NRG1: variants seen among roughly 807,000 people sequenced by gnomAD.
NRG1 encodes the protein pro-neuregulin-1, membrane-bound isoform.
In NRG1, 18 loss-of-function variants were observed where a neutral mutation model predicts 63.8. The observed-to-expected ratio is 0.28, with a 90% confidence interval of 0.19 to 0.42. NRG1 has a LOEUF of 0.42. Ranked by LOEUF, NRG1 falls within the 10% of genes least tolerant of loss-of-function variation. The probability of loss-of-function intolerance (pLI) is 1.00; values close to 1 mark genes in which losing one functional copy is unlikely to be tolerated. For missense variants in NRG1, 762 were observed against 814.7 expected, an observed-to-expected ratio of 0.94 and a Z score of 0.79; for synonymous variants, 302 against 301.3, an observed-to-expected ratio of 1.00 and a Z score of -0.02.
intron 1 of NRG1, among the ~76,000 whole-genome samples, chr8:32,394,764 TGA>T (rs1812228363): frequency 6.6e-6 from 1 of 152,180 alleles, no homozygotes; most frequent in Non-Finnish European, 1.5e-5. Context: ...GGCCTTCAAG[TGA>T]GATTGACTTT....
intron 1 of NRG1, among the ~76,000 whole-genome samples, chr8:31,859,600 C>G (rs1828277951): frequency 6.6e-6 from 1 of 152,178 alleles, no homozygotes; most frequent in Admixed American, 6.5e-5. Flanking sequence ...TTCTGCATAA[C>G]TATTGAAGAA....
At chr8:32,209,073 ATAACT>A (rs893687821) in intron 1 of NRG1, among the ~76,000 whole-genome samples, 5 of 152,154 alleles carry the variant, frequency 3.3e-5, no homozygotes, top group Admixed American at 6.5e-5. Flanking sequence ...ATTTCAGGAA[ATAACT>A]TAACATCTCT....
At chr8:31,927,059 C>T (rs1834416480) in intron 1 of NRG1, among the ~76,000 whole-genome samples, 1 of 152,030 alleles carries the variant, frequency 6.6e-6, no homozygotes, top group African/African-American at 2.4e-5. Flanking sequence ...TAGTTATGTG[C>T]CAGACACTGT....
chr8:32,292,300 A>G (rs566151467), intron 1 of NRG1, among the ~76,000 whole-genome samples: 1 of 152,318 alleles, frequency 6.6e-6, no homozygotes, highest in South Asian at 2.1e-4. Context: ...TACTCCCTTT[A>G]TCCTGAATTT....
chr8:32,644,232 T>G (rs1255814346), intron 5 of NRG1, among the ~76,000 whole-genome samples: 2 of 152,186 alleles, frequency 1.3e-5, no homozygotes, highest in Admixed American at 6.5e-5. Flanking sequence ...GGTTAGGTAG[T>G]AAAAAATTGT....
At chr8:32,352,965 G>T (rs1208193435) in intron 1 of NRG1, among the ~76,000 whole-genome samples, 66 of 146,742 alleles carry the variant, frequency 4.5e-4, no homozygotes, top group African/African-American at 1.4e-3. Flanking sequence ...TATATATACA[G>T]AGAGAGAGAG....
At chr8:31,710,189 C>T (rs1278647773) in intron 1 of NRG1, among the ~76,000 whole-genome samples, 1 of 151,686 alleles carries the variant, frequency 6.6e-6, no homozygotes, top group Non-Finnish European at 1.5e-5. Flanking sequence ...TTTAAAATTA[C>T]CATGAGAAAA....
chr8:32,202,439 T>C (rs987715274), intron 1 of NRG1, among the ~76,000 whole-genome samples: 4 of 152,054 alleles, frequency 2.6e-5, no homozygotes, highest in African/African-American at 9.7e-5. Context: ...CACAGTGGTG[T>C]CTAGGGGTGT....
chr8:32,123,408 T>C (rs1317052294), intron 1 of NRG1, among the ~76,000 whole-genome samples: 3 of 151,844 alleles, frequency 2.0e-5, no homozygotes, highest in Non-Finnish European at 2.9e-5. Context: ...ATGTAAGATG[T>C]GACTTTGCTC....
At chr8:32,337,682 A>AAAAAAAAAT (rs1554511693) in intron 1 of NRG1, among the ~76,000 whole-genome samples, 6 of 116,630 alleles carry the variant, frequency 5.1e-5, no homozygotes, top group Admixed American at 8.7e-5. Context: ...AAAAAAAAAA[A>AAAAAAAAAT]GCTGATGCAG....
intron 1 of NRG1, among the ~76,000 whole-genome samples, chr8:31,798,567 C>A (rs1400144478): frequency 6.6e-6 from 1 of 152,128 alleles, no homozygotes; most frequent in Non-Finnish European, 1.5e-5. Context: ...TAATTTCTTT[C>A]CTCCATTTGC....
downstream of NRG1, among the ~76,000 whole-genome samples, chr8:32,770,373 A>G (rs953369556): frequency 6.6e-6 from 1 of 152,194 alleles, no homozygotes; most frequent in African/African-American, 2.4e-5. Flanking sequence ...AGAGAGCTGC[A>G]GAGCTGACAC....
At chr8:32,422,698 A>G (rs1816839093) in intron 1 of NRG1, among the ~76,000 whole-genome samples, 1 of 152,228 alleles carries the variant, frequency 6.6e-6, no homozygotes, top group South Asian at 2.1e-4. Context: ...TTCTCCCAAC[A>G]ACCTTGCCAA....
intron 5 of NRG1, among the ~76,000 whole-genome samples, chr8:32,634,120 G>GAAAAAAAAAAAAAAAAAATA: frequency 1.0e-5 from 1 of 97,766 alleles, no homozygotes; most frequent in African/African-American, 5.5e-5. Flanking sequence ...AAAAAAAAAG[G>GAAAAAAAAAAAAAAAAAATA]TTGCATAAAG....
chr8:32,243,525 C>G (rs1207099674), intron 1 of NRG1, among the ~76,000 whole-genome samples: 6 of 151,890 alleles, frequency 4.0e-5, no homozygotes, highest in Non-Finnish European at 8.8e-5. Flanking sequence ...GACCCTATCT[C>G]TAAATTATAT....
chr8:32,636,893 G>A (rs968957783), intron 5 of NRG1, among the ~76,000 whole-genome samples: 1 of 152,092 alleles, frequency 6.6e-6, no homozygotes, highest in Admixed American at 6.5e-5. Flanking sequence ...GAAAGAGGTA[G>A]TGATGGGTGG....
chr8:32,677,954 A>G (rs114361393), intron 5 of NRG1, among the ~76,000 whole-genome samples: 359 of 152,162 alleles, frequency 2.4e-3, no homozygotes, highest in African/African-American at 8.1e-3. Context: ...AAGAAACACA[A>G]CCTTTGCTGT....
intron 5 of NRG1, among the ~76,000 whole-genome samples, chr8:32,638,930 C>G (rs891100713): frequency 2.6e-5 from 4 of 151,972 alleles, no homozygotes; most frequent in African/African-American, 9.7e-5. Flanking sequence ...AGGTGGCTCA[C>G]TAAGAATGCC....
At chr8:32,343,799 G>T (rs958390640) in intron 1 of NRG1, among the ~76,000 whole-genome samples, 5 of 152,190 alleles carry the variant, frequency 3.3e-5, no homozygotes, top group Non-Finnish European at 7.3e-5. Context: ...GACATTGTTT[G>T]TTGAAAAGTT....
Sources: gnomAD v4.1 joint callset for allele counts (sites outside exome capture counted in the v4.1 genomes callset) on GRCh38, gnomAD v4.1.1 for gene constraint, MANE v1.5 for transcripts, NCBI Gene and HGNC (gene_info 2026-07-23, HGNC 2026-07-21) for gene names.